Variants in FLVCR2 observed in about 807,000 individuals in gnomAD.
The protein encoded by FLVCR2 is choline/ethanolamine transporter FLVCR2.
A neutral mutation model predicts 48.9 loss-of-function variants in FLVCR2; 38 were observed. That is an observed-to-expected ratio of 0.78 (90% CI 0.60 to 1.02). FLVCR2 has a LOEUF of 1.02. Ranked by LOEUF, FLVCR2 falls within the 50% of genes least tolerant of loss-of-function variation. The pLI, the probability that FLVCR2 is intolerant of heterozygous loss-of-function variation, is 0.00. For missense variants in FLVCR2, 664 were observed against 663.3 expected, an observed-to-expected ratio of 1.00 and a Z score of -0.01; for synonymous variants, 255 against 257.0, an observed-to-expected ratio of 0.99 and a Z score of 0.07.
chr14:75,641,980 A>G, intron 9 of FLVCR2, 82 bp downstream of exon 9: 1 of 1,258,376 alleles, frequency 7.9e-7, no homozygotes, highest in Non-Finnish European at 1.2e-6. Flanking sequence ...TGGGGCAGGG[A>G]GAACTCCCAC....
At chr14:75,604,222 A>C (rs1889236300) in intron 1 of FLVCR2, 1 of 152,232 alleles carries the variant, frequency 6.6e-6, no homozygotes, top group South Asian at 2.1e-4. Flanking sequence ...TGATCTCGGA[A>C]GCTAAGCAGG....
Position 75,624,730 on chromosome 14 carries a change from T to C in FLVCR2, c.930T>C (p.Phe310=), listed in dbSNP as rs766560435. ...SIARLFKNLN[F]VLLVITYGLN... ...CCCGGCTCTTCAAAAATCTCAACTT[T>C]GTGCTGCTTGTCATCACCTATGGTA... Residue 310 remains phenylalanine (F), a synonymous_variant, in exon 3 of 10, where the codon TTT becomes TTC. Transcript: ENST00000238667. 1.2e-6 allele frequency: 2 copies of C among 1,614,190 alleles called. No individual in the cohort carries two copies. Among genetic ancestry groups the C allele is most frequent in the East Asian group, 2.2e-5 (1 of 44,874 alleles).
At chr14:75,617,673 G>T (rs1015527815) in intron 1 of FLVCR2, among the ~76,000 whole-genome samples, 1 of 152,166 alleles carries the variant, frequency 6.6e-6, no homozygotes, top group Non-Finnish European at 1.5e-5. Flanking sequence ...TGAGGCTTGA[G>T]ATACTCTGCA....
chr14:75,584,665 T>C (rs1888697097), intron 1 of FLVCR2, among the ~76,000 whole-genome samples: 1 of 152,234 alleles, frequency 6.6e-6, no homozygotes, highest in South Asian at 2.1e-4. Flanking sequence ...GGAACTGCTC[T>C]AATGCTTCCT....
intron 3 of FLVCR2, among the ~76,000 whole-genome samples, chr14:75,630,545 C>A (rs918172337): frequency 2.6e-5 from 4 of 152,026 alleles, no homozygotes; most frequent in Non-Finnish European, 4.4e-5. Flanking sequence ...CAGTAGTCAC[C>A]GGAACACAGT....
intron 1 of FLVCR2, among the ~76,000 whole-genome samples, chr14:75,613,198 A>G (rs984409076): frequency 1.3e-5 from 2 of 152,132 alleles, no homozygotes; most frequent in African/African-American, 4.8e-5. Flanking sequence ...GGTGATATAT[A>G]AAGAAAAGAG....
At chr14:75,621,333 A>G (rs1594806802) in intron 1 of FLVCR2, among the ~76,000 whole-genome samples, 1 of 151,890 alleles carries the variant, frequency 6.6e-6, no homozygotes, top group East Asian at 1.9e-4. Flanking sequence ...GCTTGAACCC[A>G]GGAGGCGGAG....
chr14:75,591,239 C>T (rs766510354), intron 1 of FLVCR2, among the ~76,000 whole-genome samples: 36 of 152,266 alleles, frequency 2.4e-4, no homozygotes, highest in Non-Finnish European at 2.5e-4. Context: ...GACGGAGTTT[C>T]GCCATGTTGC....
intron 1 of FLVCR2, chr14:75,596,113 T>A (rs1285519900): frequency 1.1e-6 from 1 of 948,294 alleles, no homozygotes; most frequent in African/African-American, 1.6e-5. Context: ...ACTGTTGCCT[T>A]CCCAGGGTGA....
chr14:75,579,087 G>C lies in FLVCR2; in HGVS notation c.115G>C (p.Val39Leu). The C allele has an allele frequency of 6.2e-7, 1 of 1,613,992 alleles. No individual in the cohort carries two copies. Among genetic ancestry groups the C allele is most frequent in the Non-Finnish European group, 8.5e-7 (1 of 1,179,956 alleles). ...VHPSVSVHPS[V>L]SINPSVSVHP... ...TCCCAGCGTCTCGGTCCATCCCAGC[G>C]TCTCCATCAACCCCAGCGTCTCTGT... The change falls in exon 1 of 10, where the codon GTC (valine) becomes CTC (leucine). Residue 39 changes from valine to leucine, a missense_variant. Val to Leu is a conservative substitution (Grantham distance 32). Transcript: ENST00000238667.
At chr14:75,623,752 T>A (rs928018004) in intron 2 of FLVCR2, among the ~76,000 whole-genome samples, 2 of 151,508 alleles carry the variant, frequency 1.3e-5, no homozygotes, top group African/African-American at 4.9e-5. Context: ...AGAGGTGATT[T>A]AAAAAAAAAT....
chr14:75,594,507 A>G (rs1393157973), intron 1 of FLVCR2, among the ~76,000 whole-genome samples: 3 of 152,230 alleles, frequency 2.0e-5, no homozygotes, highest in Non-Finnish European at 2.9e-5. Flanking sequence ...AGACTGGGTA[A>G]TTCGCATTGA....
intron 1 of FLVCR2, among the ~76,000 whole-genome samples, chr14:75,615,030 C>A (rs1052629797): frequency 6.6e-6 from 1 of 152,144 alleles, no homozygotes; most frequent in African/African-American, 2.4e-5. Context: ...AGAGCCAAAC[C>A]AAATCAATGG....
intron 1 of FLVCR2, among the ~76,000 whole-genome samples, chr14:75,618,885 GTT>G (rs560405639): frequency 1.9e-4 from 26 of 134,534 alleles, no homozygotes; most frequent in Non-Finnish European, 2.9e-4. Flanking sequence ...GAGCAGCAGG[GTT>G]TTTTTTTTTT....
At chr14:75,602,341 C>G (rs974593401) in intron 1 of FLVCR2, among the ~76,000 whole-genome samples, 2 of 152,282 alleles carry the variant, frequency 1.3e-5, no homozygotes, top group Non-Finnish European at 1.5e-5. Context: ...GGAGCGCTAC[C>G]TATGTTGCCT....
Position 75,579,308 on chromosome 14 carries a change from C to T in FLVCR2, c.336C>T (p.Phe112=). The T allele has an allele frequency of 6.2e-7, 1 of 1,614,246 alleles. No homozygotes were observed. Among genetic ancestry groups the T allele is most frequent in the South Asian group, 1.1e-5 (1 of 91,084 alleles). The change falls in exon 1 of 10, where the codon TTC becomes TTT. Residue 112 remains phenylalanine, a synonymous_variant. Coordinates refer to ENST00000238667, the MANE Select transcript of FLVCR2 (RefSeq NM_017791.3). The part of the protein sequence containing the change: ...WIQYGSINNI[F]MHFYGVSAFA... Reference sequence around the variant, plus strand: ...AGTACGGCTCCATCAATAACATCTTCATGCACTTCTACGGTGTCAGTGCCT... The same window carrying T: ...AGTACGGCTCCATCAATAACATCTTTATGCACTTCTACGGTGTCAGTGCCT...
chr14:75,614,315 A>C (rs1178069953), intron 1 of FLVCR2, among the ~76,000 whole-genome samples: 1 of 152,244 alleles, frequency 6.6e-6, no homozygotes, highest in African/African-American at 2.4e-5. Flanking sequence ...GTGCAGTGGC[A>C]ATGGTGCTTT....
At position 75,616,028 on chromosome 14, in the gene FLVCR2, A is replaced by AC. The variant is rs1327391198; in HGVS notation, c.670-6051_670-6050insC. The stretch of plus-strand genomic sequence containing the variant: ...GGTGACAGAGTGAGACTCCATCTCA[A>AC]AAAAAAAAAAAAAAAAAAAATAGCG... On this transcript the variant is annotated intron_variant, in intron 1 of 9. Coordinates refer to ENST00000238667, the MANE Select transcript of FLVCR2 (RefSeq NM_017791.3). Among the ~76,000 whole-genome samples, 139 of 145,066 alleles carry AC rather than the reference A, an allele frequency of 9.6e-4. 2 individuals are homozygous for AC. The highest frequency in any genetic ancestry group is 3.4e-3 in the African/African-American group (136 of 39,812).
At chr14:75,605,527 A>T (rs1594798735) in intron 1 of FLVCR2, 20 of 1,533,894 alleles carry the variant, frequency 1.3e-5, no homozygotes, top group Non-Finnish European at 1.7e-5. Flanking sequence ...ACTTGAGCTC[A>T]GCCTCTCACC....
Sources: gnomAD v4.1 joint callset for allele counts (sites outside exome capture counted in the v4.1 genomes callset) on GRCh38, gnomAD v4.1.1 for gene constraint, MANE v1.5 for transcripts, NCBI Gene and HGNC (gene_info 2026-07-23, HGNC 2026-07-21) for gene names.